PEX14: variants seen among roughly 807,000 people sequenced by gnomAD.
PEX14 encodes the protein peroxisomal membrane protein PEX14.
A neutral mutation model predicts 49.5 loss-of-function variants in PEX14; 15 were observed. The observed-to-expected ratio is 0.30, with a 90% CI of 0.20 to 0.47. The LOEUF (loss-of-function observed/expected upper bound fraction) is 0.47. Ranked by LOEUF, PEX14 falls within the 20% of genes least tolerant of loss-of-function variation. The pLI is 1.00. For synonymous variants in PEX14, 210 were observed against 212.7 expected, an observed-to-expected ratio of 0.99 and a Z score of 0.11; for missense variants, 398 against 494.8, an observed-to-expected ratio of 0.80 and a Z score of 1.86.
Position 10,484,332 on chromosome 1 carries a change from C to T in PEX14, c.36+9330C>T, listed in dbSNP as rs60804740. 8.4e-3 allele frequency among the ~76,000 whole-genome samples: 1,270 copies of T among 151,748 alleles called. 52 individuals are homozygous for T. Among genetic ancestry groups the T allele is most frequent in the African/African-American group, 0.03 (1,213 of 41,104 alleles). On this transcript the variant is annotated intron_variant, in intron 1 of 8. Transcript: ENST00000356607. ...GGATTACATGTGTGAGTCACTGCGT[C>T]CAGCCAATTTTTTTTTGTTTAGTAG...
intron 2 of PEX14, among the ~76,000 whole-genome samples, chr1:10,506,371 C>A (rs962975959): frequency 1.3e-5 from 2 of 152,172 alleles, no homozygotes; most frequent in African/African-American, 4.8e-5. Flanking sequence ...CTCTGCCTCC[C>A]AGGTTCAAGT....
chr1:10,505,052 A>G (rs533090610), intron 2 of PEX14, among the ~76,000 whole-genome samples: 1 of 152,130 alleles, frequency 6.6e-6, no homozygotes, highest in Non-Finnish European at 1.5e-5. Context: ...TCCCTCCCAA[A>G]GTGTTGGAAT....
intron 3 of PEX14, among the ~76,000 whole-genome samples, chr1:10,571,605 T>C (rs1639979443): frequency 6.6e-6 from 1 of 152,036 alleles, no homozygotes; most frequent in Admixed American, 6.6e-5. Flanking sequence ...GCTTAGGAGT[T>C]CGAGACCAGC....
chr1:10,534,285 G>C (rs537302961), intron 2 of PEX14, among the ~76,000 whole-genome samples: 1 of 152,088 alleles, frequency 6.6e-6, no homozygotes, highest in Non-Finnish European at 1.5e-5. Flanking sequence ...GACTGGCGCT[G>C]ACCCTGGGGG....
chr1:10,610,372 T>TATAC (rs1553119487), intron 4 of PEX14, among the ~76,000 whole-genome samples: 28 of 129,080 alleles, frequency 2.2e-4, no homozygotes, highest in Non-Finnish European at 3.2e-4. Context: ...TATATATATA[T>TATAC]ACACACACAC....
chr1:10,537,987 C>G, intron 3 of PEX14, among the ~76,000 whole-genome samples: 1 of 152,200 alleles, frequency 6.6e-6, no homozygotes, highest in East Asian at 1.9e-4. Context: ...TCCAACTGAT[C>G]AATTCATCCA....
chr1:10,542,313 G>A (rs904697103), intron 3 of PEX14, among the ~76,000 whole-genome samples: 3 of 152,136 alleles, frequency 2.0e-5, no homozygotes, highest in Non-Finnish European at 4.4e-5. Context: ...ACAGAAACAC[G>A]AATGCTTTCT....
Position 10,629,502 on chromosome 1 carries a change from C to T in PEX14, c.678-29C>T, listed in dbSNP as rs1641847115. 6.5e-7 allele frequency: 1 copy of T among 1,545,278 alleles called. No individual in the cohort carries two copies. Among genetic ancestry groups the T allele is most frequent in the Non-Finnish European group, 8.9e-7 (1 of 1,119,948 alleles). On this transcript the variant is annotated intron_variant, in intron 8 of 8. Transcript: ENST00000356607. This position sits in a 1 kb window ranked among gnomAD's most constrained non-coding sequence, Gnocchi z 8.5. ...AAGGGGGGCGTCCTGAATGCCGCCA[C>T]CAACCTCCTCCCCTTCTTCTCCCTC...
intron 2 of PEX14, among the ~76,000 whole-genome samples, chr1:10,518,803 T>C (rs1557823243): frequency 6.6e-6 from 1 of 152,216 alleles, no homozygotes; most frequent in Non-Finnish European, 1.5e-5. Context: ...CTTTGGGCTC[T>C]TTACAGAAGA....
chr1:10,555,046 T>G (rs1639446192), intron 3 of PEX14, among the ~76,000 whole-genome samples: 1 of 152,144 alleles, frequency 6.6e-6, no homozygotes, highest in African/African-American at 2.4e-5. Flanking sequence ...CTTCTTGATC[T>G]GGGGCTGCAG....
chr1:10,586,037 C>A (rs1640474948), intron 3 of PEX14, among the ~76,000 whole-genome samples: 1 of 152,196 alleles, frequency 6.6e-6, no homozygotes, highest in African/African-American at 2.4e-5. Context: ...ACTGGACAGA[C>A]CTGAAAGGAG....
At chr1:10,586,661 A>G (rs1271524854) in intron 3 of PEX14, among the ~76,000 whole-genome samples, 1 of 89,240 alleles carries the variant, frequency 1.1e-5, no homozygotes, top group Non-Finnish European at 2.1e-5. Flanking sequence ...TTTTTTTGAG[A>G]CGGAGTCTCG....
chr1:10,599,687 G>A (rs1191378068), intron 4 of PEX14, among the ~76,000 whole-genome samples: 1 of 152,200 alleles, frequency 6.6e-6, no homozygotes, highest in Non-Finnish European at 1.5e-5. Flanking sequence ...GCTTTTGAAT[G>A]TTACTGTTTC....
At chr1:10,625,426 C>T (rs764513574) in intron 7 of PEX14, among the ~76,000 whole-genome samples, 1 of 152,204 alleles carries the variant, frequency 6.6e-6, no homozygotes, top group Non-Finnish European at 1.5e-5. Context: ...TCCTAGCGTA[C>T]GAGTTGGCTT....
intron 1 of PEX14, among the ~76,000 whole-genome samples, chr1:10,475,595 C>T (rs1201202164): frequency 6.6e-6 from 1 of 152,344 alleles, no homozygotes; most frequent in African/African-American, 2.4e-5. Flanking sequence ...GACCCATCCT[C>T]GCTTCCCTGG....
intron 1 of PEX14, among the ~76,000 whole-genome samples, chr1:10,477,564 GT>G (rs2124363233): frequency 6.6e-6 from 1 of 152,322 alleles, no homozygotes; most frequent in South Asian, 2.1e-4. Context: ...GCCTTGTTGT[GT>G]AGGGTTAGAA....
At chr1:10,545,030 TGGGATTA>T (rs1475577555) in intron 3 of PEX14, among the ~76,000 whole-genome samples, 1 of 152,176 alleles carries the variant, frequency 6.6e-6, no homozygotes, top group East Asian at 1.9e-4. Context: ...CCCAAAGTGC[TGGGATTA>T]CAGGTGCAAA....
chr1:10,505,122 T>C (rs1641759056), intron 2 of PEX14, among the ~76,000 whole-genome samples: 1 of 152,194 alleles, frequency 6.6e-6, no homozygotes, highest in South Asian at 2.1e-4. Flanking sequence ...TTCATTTAAC[T>C]AGCATTTACC....
chr1:10,600,980 G>A (rs978573294), intron 4 of PEX14, among the ~76,000 whole-genome samples: 7 of 150,412 alleles, frequency 4.7e-5, no homozygotes, highest in African/African-American at 1.7e-4. Context: ...AAAACAGACA[G>A]GCCGGGCGCG....
Sources: allele counts gnomAD v4.1 joint callset (sites outside exome capture counted in the v4.1 genomes callset), GRCh38; gene constraint gnomAD v4.1.1; non-coding constraint Gnocchi (gnomAD v3.1); transcripts MANE v1.5; gene names NCBI Gene and HGNC (gene_info 2026-07-23, HGNC 2026-07-21).